The following CLNK variants were observed in gnomAD, a reference collection of about 807,000 sequenced individuals.
CLNK encodes the protein cytokine-dependent hematopoietic cell linker.
A neutral mutation model predicts 68.6 loss-of-function variants in CLNK; 74 were observed. The ratio of observed to expected loss-of-function variants is 1.08; its 90% confidence interval spans 0.89 to 1.31. The LOEUF is 1.31. CLNK is among the 50% of genes most tolerant of loss of function. The pLI, the probability that CLNK is intolerant of heterozygous loss-of-function variation, is 0.00. For missense variants in CLNK, 553 were observed against 515.3 expected (o/e 1.07, Z -0.71); for synonymous variants, 198 against 172.2 (o/e 1.15, Z -1.17).
Position 10,642,671 on chromosome 4 carries a change from G to GA in CLNK, c.11+25187dup, listed in dbSNP as rs78433661. Reference sequence around the variant, plus strand: ...CCTCATCTATATGCCAAAAAAGGGGGAAAAATAAAACAATGTAAACAACAA... The same window carrying GA: ...CCTCATCTATATGCCAAAAAAGGGGGAAAAAATAAAACAATGTAAACAACAA... On this transcript the variant is annotated intron_variant, in intron 2 of 18. Coordinates refer to ENST00000226951, the MANE Select transcript of CLNK (RefSeq NM_052964.4). 7.5e-4 allele frequency among the ~76,000 whole-genome samples: 114 copies of GA among 152,212 alleles called. 2 individuals carry two copies. In the East Asian group the frequency reaches 9.8e-3, roughly 13 times the overall value.
intron 11 of CLNK, among the ~76,000 whole-genome samples, chr4:10,539,693 C>A (rs916723034): frequency 6.6e-6 from 1 of 152,220 alleles, no homozygotes; most frequent in Non-Finnish European, 1.5e-5. Flanking sequence ...GAGCCATCAT[C>A]AGTACTTAAT....
intron 8 of CLNK, among the ~76,000 whole-genome samples, chr4:10,552,337 G>T (rs1289029184): frequency 6.6e-6 from 1 of 152,148 alleles, no homozygotes; most frequent in Non-Finnish European, 1.5e-5. Flanking sequence ...CCATCAGGCT[G>T]GGGGGACAAG....
chr4:10,529,448 A>G (rs545885310), intron 12 of CLNK, among the ~76,000 whole-genome samples: 9 of 152,316 alleles, frequency 5.9e-5, no homozygotes, highest in African/African-American at 2.2e-4. Flanking sequence ...TGCTTCATAG[A>G]TAAGAAACTT....
intron 15 of CLNK, among the ~76,000 whole-genome samples, chr4:10,518,882 T>C (rs1256744778): frequency 6.6e-6 from 1 of 152,170 alleles, no homozygotes; most frequent in Non-Finnish European, 1.5e-5. Flanking sequence ...GACTGCGTGT[T>C]GTTTTCTGCC....
At chr4:10,614,408 T>A (rs562554904) in intron 2 of CLNK, among the ~76,000 whole-genome samples, 1 of 152,186 alleles carries the variant, frequency 6.6e-6, no homozygotes, top group African/African-American at 2.4e-5. Context: ...ATGATGCCGT[T>A]GTTTCTCCAG....
the CLNK span, among the ~76,000 whole-genome samples, chr4:10,723,919 A>AGAGAGAGATCGAGGGAGAG: frequency 1.4e-5 from 2 of 148,020 alleles, no homozygotes; most frequent in Non-Finnish European, 1.5e-5. Flanking sequence ...AGAGAGAGAG[A>AGAGAGAGATCGAGGGAGAG]AGGCAGGGCA....
At chr4:10,536,898 G>C (rs939771315) in intron 11 of CLNK, among the ~76,000 whole-genome samples, 1 of 151,860 alleles carries the variant, frequency 6.6e-6, no homozygotes, top group African/African-American at 2.4e-5. Flanking sequence ...TGCCCGCAGA[G>C]GGACGCATTT....
intron 2 of CLNK, among the ~76,000 whole-genome samples, chr4:10,613,329 G>A (rs1722102848): frequency 6.6e-6 from 1 of 152,156 alleles, no homozygotes; most frequent in Non-Finnish European, 1.5e-5. Flanking sequence ...CAGGGAAAAG[G>A]CACTGGGCAC....
chr4:10,595,467 G>T (rs995930769), intron 3 of CLNK, among the ~76,000 whole-genome samples: 2 of 152,170 alleles, frequency 1.3e-5, no homozygotes, highest in Non-Finnish European at 2.9e-5. Context: ...TTGCAGACAG[G>T]TCATGGTTAA....
intron 3 of CLNK, among the ~76,000 whole-genome samples, chr4:10,595,001 G>A (rs1005641968): frequency 6.6e-6 from 1 of 152,178 alleles, no homozygotes; most frequent in Non-Finnish European, 1.5e-5. Flanking sequence ...GGGGGCTGAG[G>A]CAGGAGAATC....
At chr4:10,541,287 C>G (rs867710154) in intron 10 of CLNK, among the ~76,000 whole-genome samples, 2 of 151,152 alleles carry the variant, frequency 1.3e-5, no homozygotes, top group Admixed American at 1.3e-4. Context: ...CTCACTCACT[C>G]ATATGTTATT....
chr4:10,533,549 AGCAACAG>A (rs779419326), intron 11 of CLNK, among the ~76,000 whole-genome samples: 9 of 152,224 alleles, frequency 5.9e-5, no homozygotes, highest in Non-Finnish European at 1.2e-4. Flanking sequence ...CGGATCTGCA[AGCAACAG>A]GCAACTGTAC....
chr4:10,699,011 G>A, the CLNK span, among the ~76,000 whole-genome samples: 2 of 151,936 alleles, frequency 1.3e-5, no homozygotes, highest in Non-Finnish European at 2.9e-5. Flanking sequence ...GGTCTCAAGG[G>A]TGCCAACTTT....
chr4:10,516,810 C>G (rs1717858688), intron 15 of CLNK, among the ~76,000 whole-genome samples: 2 of 152,176 alleles, frequency 1.3e-5, no homozygotes, highest in South Asian at 4.1e-4. Context: ...CTCGGCCTCC[C>G]AAAGTGCTGG....
chr4:10,540,238 T>C (rs772587370), intron 11 of CLNK, among the ~76,000 whole-genome samples: 7 of 152,224 alleles, frequency 4.6e-5, no homozygotes, highest in Non-Finnish European at 1.0e-4. Flanking sequence ...CCTGCTGCCA[T>C]GTAAGACATG....
intron 2 of CLNK, among the ~76,000 whole-genome samples, chr4:10,604,010 G>T (rs902083569): frequency 6.6e-6 from 1 of 152,192 alleles, no homozygotes; most frequent in Non-Finnish European, 1.5e-5. Context: ...TATCCTGAGG[G>T]CAGGTGTCCC....
At chr4:10,562,101 CTTTT>C (rs11345903) in intron 7 of CLNK, among the ~76,000 whole-genome samples, 1 of 129,280 alleles carries the variant, frequency 7.7e-6, no homozygotes, top group Non-Finnish European at 1.6e-5. Flanking sequence ...TTTTTCTTTT[CTTTT>C]TTTTTTTTTT....
At chr4:10,653,164 T>C (rs1238900977) in intron 2 of CLNK, among the ~76,000 whole-genome samples, 2 of 151,344 alleles carry the variant, frequency 1.3e-5, no homozygotes, top group Non-Finnish European at 2.9e-5. Context: ...CACAGGGAGG[T>C]GAACATCATA....
intron 8 of CLNK, among the ~76,000 whole-genome samples, chr4:10,549,775 C>T (rs1438505137): frequency 6.6e-6 from 1 of 152,174 alleles, no homozygotes; most frequent in Non-Finnish European, 1.5e-5. Flanking sequence ...AACAAGAGGA[C>T]CCAAACAGTT....
Sources: gnomAD v4.1 joint callset for allele counts (sites outside exome capture counted in the v4.1 genomes callset) on GRCh38, gnomAD v4.1.1 for gene constraint, MANE v1.5 for transcripts, NCBI Gene and HGNC (gene_info 2026-07-23, HGNC 2026-07-21) for gene names.